Variants in LRRC9 observed in about 807,000 individuals in gnomAD.
LRRC9 encodes leucine rich repeat containing 9.
A neutral mutation model predicts 63.2 loss-of-function variants in LRRC9; 122 were observed. The ratio of observed to expected loss-of-function variants is 1.93; its 90% CI spans 1.67 to 2.24. The LOEUF (loss-of-function observed/expected upper bound fraction) is 2.24. Ranked by LOEUF, LRRC9 falls within the 30% of genes most tolerant of loss-of-function variation. The pLI is 0.00. For missense variants in LRRC9, 1,071 were observed against 627.7 expected (o/e 1.71, Z -7.55); for synonymous variants, 366 against 213.1 (o/e 1.72, Z -6.25).
At chr14:59,937,925 T>C (rs1304818122) in intron 6 of LRRC9, among the ~76,000 whole-genome samples, 1 of 152,116 alleles carries the variant, frequency 6.6e-6, no homozygotes, top group Non-Finnish European at 1.5e-5. Context: ...CCATGGTGAC[T>C]GTAATGAACA....
At chr14:60,023,587 C>T (rs1230280787) in intron 27 of LRRC9, among the ~76,000 whole-genome samples, 1 of 151,992 alleles carries the variant, frequency 6.6e-6, no homozygotes, top group Admixed American at 6.6e-5. Context: ...AAATAATCCT[C>T]ATTTCAATAT....
chr14:60,063,131 G>T (rs1258732395), intron 31 of LRRC9, among the ~76,000 whole-genome samples, 192 bp from the exon 33 acceptor site: 2 of 152,102 alleles, frequency 1.3e-5, no homozygotes, highest in Non-Finnish European at 2.9e-5. Flanking sequence ...CTGACCTCAG[G>T]TGATCCACCT....
At chr14:59,926,958 C>T (rs908385249) in intron 1 of LRRC9, among the ~76,000 whole-genome samples, 1 of 152,096 alleles carries the variant, frequency 6.6e-6, no homozygotes, top group Non-Finnish European at 1.5e-5. Context: ...CTAGGCAATT[C>T]TAAACATGCT....
chr14:60,015,225 G>C (rs940483412), intron 23 of LRRC9, among the ~76,000 whole-genome samples: 20 of 149,346 alleles, frequency 1.3e-4, no homozygotes, highest in Non-Finnish European at 3.0e-4. Flanking sequence ...ATTGCTTGTT[G>C]AGCATTTTTC....
At chr14:60,041,300 T>G (rs1254532808) in intron 29 of LRRC9, among the ~76,000 whole-genome samples, 1 of 152,194 alleles carries the variant, frequency 6.6e-6, no homozygotes, top group Non-Finnish European at 1.5e-5. Flanking sequence ...ATTTTAATGT[T>G]TGCCTGCCTC....
At position 60,007,361 on chromosome 14, in the gene LRRC9, G is replaced by A. The variant is rs756976255; in HGVS notation, c.3064-731G>A. Among the ~76,000 whole-genome samples, 15 of 152,110 alleles carry A rather than the reference G, an allele frequency of 9.9e-5. No homozygotes were observed. In the East Asian group the frequency reaches 2.7e-3, roughly 27 times the overall value. The stretch of plus-strand genomic sequence containing the variant: ...ATGCACAGTAGTTTTACTCCCTCTT[G>A]TTTTCAGTAGTTTTACTCCCTCTTG... On this transcript the variant is annotated intron_variant, in intron 22 of 31. Transcript: ENST00000445360.
intron 6 of LRRC9, among the ~76,000 whole-genome samples, chr14:59,934,868 A>G (rs1255532266): frequency 1.3e-5 from 2 of 152,198 alleles, no homozygotes; most frequent in South Asian, 2.1e-4. Context: ...GAAACAAATA[A>G]TCTAAGATAC....
At chr14:60,028,893 G>A (rs1180741741) in intron 28 of LRRC9, among the ~76,000 whole-genome samples, 1 of 152,094 alleles carries the variant, frequency 6.6e-6, no homozygotes, top group Non-Finnish European at 1.5e-5. Context: ...ATAAATGTTT[G>A]TTTGTGGCTC....
chr14:59,966,511 C>G lies in LRRC9; in HGVS notation c.1212-78C>G, dbSNP rs979366362. ...AAAATATGAGCTATAACTTTTATCA[C>G]GTAGTTTTCTGTTCTTAAACATTTT... On this transcript the variant is annotated intron_variant, in intron 10 of 31. Coordinates refer to ENST00000445360, the Ensembl canonical transcript of LRRC9. The surrounding 1 kb of genome is among the most constrained non-coding windows in gnomAD (Gnocchi z 4.0). 8 of 478,560 alleles carry G rather than the reference C, an allele frequency of 1.7e-5. No individual in the cohort carries two copies. Among genetic ancestry groups the G allele is most frequent in the African/African-American group, 1.5e-4 (8 of 51,754 alleles). 29.6% of individuals were successfully genotyped at this position (478,560 alleles called of 1,614,324 possible).
chr14:60,047,568 A>T, intron 29 of LRRC9, among the ~76,000 whole-genome samples: 1 of 152,224 alleles, frequency 6.6e-6, no homozygotes, highest in East Asian at 1.9e-4. Context: ...GCATTACATA[A>T]TGGTAAATGT....
intron 29 of LRRC9, among the ~76,000 whole-genome samples, chr14:60,037,132 A>G (rs1347045891): frequency 6.6e-6 from 1 of 152,148 alleles, no homozygotes; most frequent in African/African-American, 2.4e-5. Flanking sequence ...TCCATGGTGT[A>G]TATGTGCCAC....
At chr14:59,956,012 T>C (rs1172569126) in intron 8 of LRRC9, among the ~76,000 whole-genome samples, 1 of 152,224 alleles carries the variant, frequency 6.6e-6, no homozygotes, top group East Asian at 1.9e-4. Context: ...AACTGTTTGT[T>C]ATGATTTCCA....
Position 59,938,922 on chromosome 14 carries a change from T to TATATATAC in LRRC9, c.726+352_726+359dup, listed in dbSNP as rs1566790144. ...ATATATACATATATACACATATGCA[T>TATATATAC]ATATATACACATATATACATATACA... On this transcript the variant is annotated intron_variant, in intron 7 of 31. Transcript: ENST00000445360. This position sits in a 1 kb window ranked among gnomAD's most constrained non-coding sequence, Gnocchi z 4.2. 4.5e-4 allele frequency among the ~76,000 whole-genome samples: 61 copies of TATATATAC among 134,362 alleles called. No homozygotes were observed. The highest frequency in any genetic ancestry group is 1.7e-3 in the African/African-American group (58 of 34,832). The allele number at this position is 134,362 out of a possible 152,430, so 88.1% of individuals were successfully genotyped here. A position where few individuals can be genotyped will look rare whatever the true frequency, so the allele number is the denominator to read the frequency against.
intron 27 of LRRC9, among the ~76,000 whole-genome samples, chr14:60,024,972 T>C (rs1891414282): frequency 6.6e-6 from 1 of 152,100 alleles, no homozygotes; most frequent in Non-Finnish European, 1.5e-5. Context: ...TCCAGCTCCA[T>C]CCAGGCTGTG....
chr14:60,063,334 G>A (rs1894777910), exon 32 of LRRC9: 1 of 700,824 alleles, frequency 1.4e-6, no homozygotes, highest in Admixed American at 2.0e-5. Context: ...ATTTTTGGGA[G>A]CAACTTTCCA....
exon 31 of LRRC9, chr14:60,057,907 T>C (rs1216089939): frequency 2.9e-6 from 2 of 690,240 alleles, no homozygotes; most frequent in East Asian, 2.7e-5. Context: ...CTCCTATGGA[T>C]GGCAGATCAT....
chr14:59,943,018 TG>T (rs199778503), intron 7 of LRRC9, among the ~76,000 whole-genome samples: 1 of 123,386 alleles, frequency 8.1e-6, no homozygotes, highest in African/African-American at 3.3e-5. Flanking sequence ...TTTTGTATTT[TG>T]TTTTTTTGCT....
Position 60,053,061 on chromosome 14 carries a change from T to C in LRRC9, c.3991-4T>C, listed in dbSNP as rs1214239420. On this transcript the variant is annotated splice_polypyrimidine_tract_variant and splice_region_variant and intron_variant, in intron 29 of 31. Coordinates refer to ENST00000445360, the Ensembl canonical transcript of LRRC9. The surrounding 1 kb of genome is among the most constrained non-coding windows in gnomAD (Gnocchi z 4.8). The stretch of plus-strand genomic sequence containing the variant: ...AATAAATTGTTATTTTTAACTTTAT[T>C]CAGATTTGTAGAAAAATGCTACATC... The C allele has an allele frequency of 4.3e-6, 3 of 695,434 alleles. No individual in the cohort carries two copies. The highest frequency in any genetic ancestry group is 7.9e-6 in the Non-Finnish European group (3 of 381,366). The allele number at this position is 695,434 out of a possible 1,614,324, so 43.1% of individuals were successfully genotyped here.
chr14:59,921,882 G>A (rs775788844), intron 1 of LRRC9, among the ~76,000 whole-genome samples: 22 of 151,912 alleles, frequency 1.4e-4, no homozygotes, highest in Non-Finnish European at 2.5e-4. Context: ...TCAGGAGTTC[G>A]AGATTAGCCT....
Sources: gnomAD v4.1 joint callset for allele counts (sites outside exome capture counted in the v4.1 genomes callset) on GRCh38, gnomAD v4.1.1 for gene constraint, Gnocchi (gnomAD v3.1) non-coding constraint, MANE v1.5 for transcripts, NCBI Gene and HGNC (gene_info 2026-07-23, HGNC 2026-07-21) for gene names.